Variants in TMEM91 observed in about 807,000 individuals in gnomAD.
TMEM91 encodes transmembrane protein 91.
In TMEM91, 6 loss-of-function variants were observed where a neutral mutation model predicts 13.3. The observed-to-expected ratio is 0.45, with a 90% CI of 0.25 to 0.89. TMEM91 has a LOEUF of 0.89. TMEM91 is among the 40% of genes least tolerant of loss of function. TMEM91 has a pLI of 0.19. For synonymous variants in TMEM91, 87 were observed against 101.7 expected, an observed-to-expected ratio of 0.86 and a Z score of 0.87; for missense variants, 193 against 228.7, an observed-to-expected ratio of 0.84 and a Z score of 1.01.
chr19:41,375,227 T>C (rs1361848376), upstream of TMEM91, among the ~76,000 whole-genome samples: 3 of 151,788 alleles, frequency 2.0e-5, no homozygotes, highest in Admixed American at 2.0e-4. Context: ...ACCAGCTGTT[T>C]ACTGTGGCCA....
At chr19:41,379,589 G>A (rs1465344775) in intron 2 of TMEM91, among the ~76,000 whole-genome samples, 3 of 148,768 alleles carry the variant, frequency 2.0e-5, no homozygotes, top group African/African-American at 7.4e-5. Context: ...GAGGGAGGGA[G>A]GAAGGAAAGA....
chr19:41,383,412 A>G, intron 3 of TMEM91: 1 of 972,808 alleles, frequency 1.0e-6, no homozygotes. Flanking sequence ...CCTCATCTGT[A>G]AAGTGGGAAT....
At chr19:41,366,175 A>G (rs1216392419) in intron 1 of TMEM91, among the ~76,000 whole-genome samples, 1 of 146,900 alleles carries the variant, frequency 6.8e-6, no homozygotes, top group African/African-American at 2.5e-5. Flanking sequence ...GGAGCTGGGG[A>G]AAATGTATTT....
At position 41,384,060 on chromosome 19, in the gene TMEM91, A is replaced by G; in HGVS notation, c.*187A>G. ...TCGGGCGGCAGCAACCTGAGATTAA[A>G]CACCAGACACCCTTGCAGCCAAACC... On this transcript the variant is annotated 3_prime_UTR_variant, in exon 4 of 4. Coordinates refer to ENST00000392002, the MANE Select transcript of TMEM91 (RefSeq NM_001098821.2). The G allele has an allele frequency of 9.5e-7, 1 of 1,048,772 alleles. No homozygotes were observed. Among genetic ancestry groups the G allele is most frequent in the Non-Finnish European group, 1.3e-6 (1 of 764,200 alleles). The allele number at this position is 1,048,772 out of a possible 1,614,324, so 65.0% of individuals were successfully genotyped here.
chr19:41,381,400 G>A (rs543830065), intron 2 of TMEM91, among the ~76,000 whole-genome samples: 19 of 136,452 alleles, frequency 1.4e-4, no homozygotes, highest in Non-Finnish European at 1.8e-4. Context: ...TCACTCTGTC[G>A]CCCAGGCTGG....
intron 2 of TMEM91, among the ~76,000 whole-genome samples, chr19:41,381,680 T>A (rs962204655): frequency 9.2e-5 from 14 of 152,178 alleles, no homozygotes; most frequent in South Asian, 4.2e-4. Flanking sequence ...TAGCTAATTT[T>A]AAATTTTTTT....
At chr19:41,365,538 G>T (rs1383701553) in intron 1 of TMEM91, among the ~76,000 whole-genome samples, 1 of 151,684 alleles carries the variant, frequency 6.6e-6, no homozygotes, top group African/African-American at 2.4e-5. Flanking sequence ...CCGAGTAGCT[G>T]GGACTACAGG....
Position 41,383,773 on chromosome 19 carries a change from C to A in TMEM91, c.419C>A (p.Ala140Asp). 2 of 1,609,830 alleles carry A rather than the reference C, an allele frequency of 1.2e-6. No homozygotes were observed. Among genetic ancestry groups the A allele is most frequent in the Non-Finnish European group, 1.7e-6 (2 of 1,177,574 alleles). ...IQGAGAASRR[A>D]FLLGVLAVGL... ...GGGGCAGGGGCCGCCTCCCGCCGTG[C>A]CTTCCTGCTGGGGGTCCTCGCCGTC... Residue 140 changes from alanine (A) to aspartate (D), a missense_variant, in exon 4 of 4, where the codon GCC (alanine) becomes GAC (aspartate). Ala to Asp is a moderately radical substitution (Grantham distance 126, BLOSUM62 -2). Transcript: ENST00000392002.
rs756396359 is a variant in TMEM91, at chr19:41,378,320, C to G, written c.11C>G (p.Pro4Arg). MDSPSLRELQQPLL... is the reference protein window; with the variant it reads MDSRSLRELQQPLL... The stretch of plus-strand genomic sequence containing the variant: ...AGTTTCCCCAAAGCCATGGACAGCC[C>G]TAGTCTTCGTGAGCTTCAACAGCCT... Residue 4 changes from proline (P) to arginine (R), a missense_variant, in exon 2 of 4, where the codon CCT becomes CGT. Physicochemically the swap from Pro to Arg is moderately radical, Grantham distance 103. Transcript: ENST00000392002. 5 of 1,614,018 alleles carry G rather than the reference C, an allele frequency of 3.1e-6. No homozygotes were observed. Among genetic ancestry groups the G allele is most frequent in the Non-Finnish European group, 4.2e-6 (5 of 1,179,994 alleles).
chr19:41,378,552 G>A (rs749269605), intron 2 of TMEM91, 33 bp downstream of exon 2: 1 of 1,610,836 alleles, frequency 6.2e-7, no homozygotes, highest in Admixed American at 1.7e-5. Flanking sequence ...GGAAGGCACG[G>A]GAGGGGGCTG....
chr19:41,376,265 C>T (rs901325852), upstream of TMEM91: 22 of 152,230 alleles, frequency 1.4e-4, no homozygotes, highest in African/African-American at 4.8e-4. Flanking sequence ...ACAGTCTGCC[C>T]TCAATGAACC....
upstream of TMEM91, among the ~76,000 whole-genome samples, chr19:41,371,962 G>A (rs2038631695): frequency 6.6e-6 from 1 of 151,838 alleles, no homozygotes; most frequent in Non-Finnish European, 1.5e-5. Flanking sequence ...GGACTCAAGT[G>A]ATCCTCCCAC....
chr19:41,381,875 T>A (rs1335751618), intron 2 of TMEM91, among the ~76,000 whole-genome samples: 5 of 151,906 alleles, frequency 3.3e-5, no homozygotes, highest in Non-Finnish European at 5.9e-5. Context: ...CAGGGGCTTT[T>A]CTTTTTTTGA....
chr19:41,380,627 T>G (rs908154636), intron 2 of TMEM91, among the ~76,000 whole-genome samples: 24 of 148,394 alleles, frequency 1.6e-4, no homozygotes, highest in Non-Finnish European at 3.0e-5. Context: ...ATACAAAAAT[T>G]AGGCCAGGCG....
chr19:41,368,417 C>CT (rs201415320), intron 1 of TMEM91, among the ~76,000 whole-genome samples: 18 of 141,682 alleles, frequency 1.3e-4, no homozygotes, highest in Admixed American at 6.3e-4. Context: ...AACCTGTCAC[C>CT]TTTTTTTTGG....
At chr19:41,368,706 G>T (rs543190459) in intron 1 of TMEM91, among the ~76,000 whole-genome samples, 258 of 151,584 alleles carry the variant, frequency 1.7e-3, no homozygotes, top group African/African-American at 6.0e-3. Context: ...CACTGTGCCC[G>T]GCCTGAAGCT....
chr19:41,373,525 A>G (rs2038656754), upstream of TMEM91, among the ~76,000 whole-genome samples: 1 of 148,874 alleles, frequency 6.7e-6, no homozygotes, highest in African/African-American at 2.5e-5. Context: ...AACGAGATCA[A>G]ATCTCAGCCC....
chr19:41,383,645 G>C (rs1222653968), intron 3 of TMEM91, 70 bp from the exon 4 acceptor site: 3 of 1,614,042 alleles, frequency 1.9e-6, no homozygotes, highest in Non-Finnish European at 2.5e-6. Flanking sequence ...ATGTTGGGTG[G>C]GGGAGGGACC....
At chr19:41,375,972 T>G (rs900716926), upstream of TMEM91, among the ~76,000 whole-genome samples, 1 of 151,732 alleles carries the variant, frequency 6.6e-6, no homozygotes, top group Non-Finnish European at 1.5e-5. Context: ...ATACAAAAAT[T>G]AGCTGGGCGT....
Sources: gnomAD v4.1 joint callset for allele counts (sites outside exome capture counted in the v4.1 genomes callset) on GRCh38, gnomAD v4.1.1 for gene constraint, MANE v1.5 for transcripts, NCBI Gene and HGNC (gene_info 2026-07-23, HGNC 2026-07-21) for gene names.